NBEA: variants seen among roughly 807,000 people sequenced by gnomAD.
NBEA encodes lysosomal-trafficking regulator 2.
NBEA carries 44 observed loss-of-function variants against 343.4 expected under a neutral mutation model. That is an observed-to-expected ratio of 0.13 (90% CI 0.10 to 0.16). The LOEUF (loss-of-function observed/expected upper bound fraction) is 0.16, where lower values mean the gene tolerates loss of function less well. Ranked by LOEUF, NBEA falls within the 10% of genes least tolerant of loss-of-function variation. The probability of loss-of-function intolerance (pLI) is 1.00; values close to 1 mark genes in which losing one functional copy is unlikely to be tolerated. For missense variants in NBEA, 2,555 were observed against 3,631.3 expected (o/e 0.70, Z 7.62); for synonymous variants, 1,175 against 1,238.7 (o/e 0.95, Z 1.08).
chr13:35,576,878 G>A (rs1048351116), intron 45 of NBEA, among the ~76,000 whole-genome samples: 1 of 152,048 alleles, frequency 6.6e-6, no homozygotes, highest in Non-Finnish European at 1.5e-5. Flanking sequence ...AATAGTTTTT[G>A]TTTGACATTT....
intron 41 of NBEA, among the ~76,000 whole-genome samples, chr13:35,494,663 A>C (rs1422750319): frequency 1.3e-5 from 2 of 152,012 alleles, no homozygotes; most frequent in African/African-American, 2.4e-5. Flanking sequence ...GCAAAATATC[A>C]GATGTAAATC....
intron 49 of NBEA, among the ~76,000 whole-genome samples, chr13:35,631,053 G>A (rs2083429241): frequency 6.6e-6 from 1 of 152,186 alleles, no homozygotes; most frequent in Non-Finnish European, 1.5e-5. Flanking sequence ...AAGAATGTGA[G>A]GAATAGTGTC....
chr13:35,401,753 C>G (rs2043011551), intron 38 of NBEA, among the ~76,000 whole-genome samples: 1 of 152,010 alleles, frequency 6.6e-6, no homozygotes, highest in South Asian at 2.1e-4. Context: ...AAATGTACAT[C>G]ATTTTATGTT....
chr13:35,215,518 T>C (rs2074017685), intron 33 of NBEA, among the ~76,000 whole-genome samples: 1 of 151,750 alleles, frequency 6.6e-6, no homozygotes, highest in Non-Finnish European at 1.5e-5. Context: ...TTAATTTATC[T>C]TAAAAAATAG....
chr13:35,084,955 C>T (rs1244153219), intron 10 of NBEA, among the ~76,000 whole-genome samples: 1 of 152,126 alleles, frequency 6.6e-6, no homozygotes, highest in East Asian at 1.9e-4. Context: ...CTATAAACAC[C>T]TCTATGCAAA....
chr13:35,146,535 G>T (rs982352780), intron 18 of NBEA, among the ~76,000 whole-genome samples: 1 of 152,130 alleles, frequency 6.6e-6, no homozygotes, highest in Admixed American at 6.5e-5. Flanking sequence ...TCCCTTTGGA[G>T]CTGAGGGCAT....
At chr13:35,071,063 T>G (rs769738489) in intron 10 of NBEA, 3 of 367,450 alleles carry the variant, frequency 8.2e-6, no homozygotes, top group Non-Finnish European at 1.4e-5. Flanking sequence ...AGGAATGCCT[T>G]CCTTGATAAT....
chr13:35,399,453 C>G (rs968675972), intron 38 of NBEA, among the ~76,000 whole-genome samples: 1 of 152,038 alleles, frequency 6.6e-6, no homozygotes. Flanking sequence ...GGAGGAACTT[C>G]CAAACACTTA....
intron 46 of NBEA, among the ~76,000 whole-genome samples, chr13:35,585,143 G>T (rs868167783): frequency 7.5e-5 from 1 of 13,408 alleles, no homozygotes; most frequent in Non-Finnish European, 1.5e-4. Flanking sequence ...AAAAAAAAAA[G>T]CCTCCTGCCA....
chr13:35,670,794 G>A (rs1046825805), intron 58 of NBEA, 107 bp from the exon 59 acceptor site: 69 of 712,258 alleles, frequency 9.7e-5, no homozygotes, highest in Non-Finnish European at 6.3e-5. Context: ...TTGAGATCGT[G>A]ATATTGTCTA....
intron 34 of NBEA, among the ~76,000 whole-genome samples, chr13:35,279,599 A>C (rs1033019475): frequency 2.0e-5 from 3 of 152,236 alleles, no homozygotes; most frequent in Non-Finnish European, 4.4e-5. Flanking sequence ...TTAAAACAAT[A>C]CAATGAATTA....
At chr13:35,228,524 T>A (rs1162928859) in intron 33 of NBEA, among the ~76,000 whole-genome samples, 1 of 152,040 alleles carries the variant, frequency 6.6e-6, no homozygotes, top group African/African-American at 2.4e-5. Flanking sequence ...TACCTCTCGC[T>A]CCCACCTTCC....
At chr13:35,331,714 T>C (rs1319608739) in intron 36 of NBEA, among the ~76,000 whole-genome samples, 1 of 152,046 alleles carries the variant, frequency 6.6e-6, no homozygotes, top group Admixed American at 6.6e-5. Context: ...AATAGGATAC[T>C]TTGTTCTGTT....
chr13:35,308,494 ATATG>A (rs1399386223), intron 35 of NBEA, among the ~76,000 whole-genome samples: 14 of 120,424 alleles, frequency 1.2e-4, no homozygotes, highest in African/African-American at 4.1e-4. Context: ...ATGTGTATAT[ATATG>A]TGTATATATA....
intron 23 of NBEA, among the ~76,000 whole-genome samples, chr13:35,162,480 C>A (rs2152713853): frequency 6.6e-6 from 1 of 152,154 alleles, no homozygotes; most frequent in Middle Eastern, 3.4e-3. Flanking sequence ...GCTTCAGCTC[C>A]CAACCTCAAT....
At chr13:35,255,587 C>A (rs1264223382) in intron 34 of NBEA, among the ~76,000 whole-genome samples, 3 of 152,236 alleles carry the variant, frequency 2.0e-5, no homozygotes, top group Non-Finnish European at 4.4e-5. Flanking sequence ...TCAGGTGCAT[C>A]ATACGCAGCT....
At chr13:35,178,307 AT>A (rs2071057256) in intron 28 of NBEA, among the ~76,000 whole-genome samples, 1 of 151,710 alleles carries the variant, frequency 6.6e-6, no homozygotes, top group African/African-American at 2.4e-5. Context: ...TCTAGTCAGA[AT>A]TTGTTTAACT....
chr13:35,608,774 G>T (rs911697155), intron 48 of NBEA, among the ~76,000 whole-genome samples: 7 of 152,236 alleles, frequency 4.6e-5, no homozygotes, highest in Admixed American at 3.9e-4. Flanking sequence ...TCTCATATGG[G>T]TGCTGATAAT....
In NBEA at chr13:35,352,313, G is replaced by A. The variant is rs2040238367; in HGVS notation, c.6169G>A (p.Val2057Ile). 1.3e-6 allele frequency: 2 copies of A among 1,483,890 alleles called. No homozygotes were observed. The highest frequency in any genetic ancestry group is 2.5e-5 in the East Asian group (1 of 39,664). The allele number at this position is 1,483,890 out of a possible 1,614,324, so 91.9% of individuals were successfully genotyped here. A position where few individuals can be genotyped will look rare whatever the true frequency, so the allele number is the denominator to read the frequency against. The change falls in exon 38 of 59, where the codon GTT (valine) becomes ATT (isoleucine). Residue 2057 changes from valine to isoleucine, a missense_variant. This residue lies in a region of NBEA where 246 missense variants were observed against 313.7 expected (regional missense o/e 0.78). Transcript: ENST00000379939. ...LTNKHGAWGA[V>I]SHSQLHDFWR... Reference sequence around the variant, plus strand: ...AAATAAACATGGTGCTTGGGGAGCAGTTTCTCATAGGTGAGTTATAATAAA... The same window carrying A: ...AAATAAACATGGTGCTTGGGGAGCAATTTCTCATAGGTGAGTTATAATAAA...
Sources: gnomAD v4.1 joint callset for allele counts (sites outside exome capture counted in the v4.1 genomes callset) on GRCh38, gnomAD v4.1.1 for gene constraint, gnomAD v4.1.1 regional missense constraint, MANE v1.5 for transcripts, NCBI Gene and HGNC (gene_info 2026-07-23, HGNC 2026-07-21) for gene names.